SNX31: variants seen among roughly 807,000 people sequenced by gnomAD.
SNX31 encodes sorting nexin-31.
A neutral mutation model predicts 65.4 loss-of-function variants in SNX31; 58 were observed. The observed-to-expected ratio is 0.89, with a 90% confidence interval of 0.72 to 1.10. The LOEUF is 1.10. SNX31 is among the 50% of genes least tolerant of loss of function. SNX31 has a pLI of 0.00. For missense variants in SNX31, 523 were observed against 529.7 expected, an observed-to-expected ratio of 0.99 and a Z score of 0.12; for synonymous variants, 181 against 190.1, an observed-to-expected ratio of 0.95 and a Z score of 0.39.
Position 100,617,735 on chromosome 8 carries a change from A to G in SNX31, c.322-5T>C. On this transcript the variant is annotated splice_region_variant and splice_polypyrimidine_tract_variant and intron_variant, in intron 4 of 13. Transcript: ENST00000311812. ...GGTGGCGATGTCAAATGTATTCTAT[A>G]AGCAAAAGAAAAGCAAAATAAATTT... 6.3e-7 allele frequency: 1 copy of G among 1,590,172 alleles called. No individual in the cohort carries two copies. Among genetic ancestry groups the G allele is most frequent in the Non-Finnish European group, 8.5e-7 (1 of 1,171,244 alleles).
Position 100,648,644 on chromosome 8 carries a change from C to T in SNX31, c.141+630G>A, listed in dbSNP as rs1819812207. The stretch of plus-strand genomic sequence containing the variant: ...ACCTCCTTATAAGAACAATGAAACC[C>T]ATTAGAGCAGACTAATAAATCAGTC... On this transcript the variant is annotated intron_variant, in intron 2 of 13. Coordinates refer to ENST00000311812, the MANE Select transcript of SNX31 (RefSeq NM_152628.4). The surrounding 1 kb of genome is among the most constrained non-coding windows in gnomAD (Gnocchi z 4.3). Among the ~76,000 whole-genome samples, 1 of 152,078 alleles carries T rather than the reference C, an allele frequency of 6.6e-6. No homozygotes were observed. Among genetic ancestry groups the T allele is most frequent in the Non-Finnish European group, 1.5e-5 (1 of 68,014 alleles).
chr8:100,649,974 T>C (rs760587115), upstream of SNX31, among the ~76,000 whole-genome samples: 10 of 152,266 alleles, frequency 6.6e-5, no homozygotes, highest in Non-Finnish European at 1.2e-4. Flanking sequence ...TGACATTTGT[T>C]AAATGTAACA....
In SNX31 at chr8:100,610,328, C is replaced by T. The variant is rs370059706; in HGVS notation, c.611+1672G>A. Among the ~76,000 whole-genome samples, 7 of 150,582 alleles carry T rather than the reference C, an allele frequency of 4.6e-5. No individual in the cohort carries two copies. In the East Asian group the frequency reaches 7.8e-4, roughly 17 times the overall value. ...TCCTTTGATCTCAGGTTTTATGAAG[C>T]GCACATGAGTGAAAATCTAAGCCCC... On this transcript the variant is annotated intron_variant, in intron 7 of 13. Transcript: ENST00000311812. The surrounding 1 kb of genome is among the most constrained non-coding windows in gnomAD (Gnocchi z 4.0).
chr8:100,657,219 G>T (rs533538956), intron 1 of SNX31, among the ~76,000 whole-genome samples: 1 of 152,122 alleles, frequency 6.6e-6, no homozygotes, highest in Non-Finnish European at 1.5e-5. Context: ...TTGGGAGGCC[G>T]AGGCAGGCGG....
chr8:100,649,555 T>A lies in SNX31; in HGVS notation c.-41A>T. 1 of 1,539,262 alleles carries A rather than the reference T, an allele frequency of 6.5e-7. No homozygotes were observed. On this transcript the variant is annotated 5_prime_UTR_variant, in exon 1 of 14. Transcript: ENST00000311812. The stretch of plus-strand genomic sequence containing the variant: ...TGGGAGTAGCGCTGGGAACCCGACC[T>A]GCGGCGGCGGGCGGTGCGCGGCTCT...
Position 100,612,415 on chromosome 8 carries a change from C to T in SNX31, c.524-328G>A, listed in dbSNP as rs1435416325. Reference sequence around the variant, plus strand: ...TCTACACAAGCCCCTTAACTTCCAACTCAAAACCACCTCCCCTGGCTTCTT... The same window carrying T: ...TCTACACAAGCCCCTTAACTTCCAATTCAAAACCACCTCCCCTGGCTTCTT... On this transcript the variant is annotated intron_variant, in intron 6 of 13. Transcript: ENST00000311812. This position sits in a 1 kb window ranked among gnomAD's most constrained non-coding sequence, Gnocchi z 4.3. 2.0e-5 allele frequency among the ~76,000 whole-genome samples: 3 copies of T among 152,044 alleles called. No individual in the cohort carries two copies. Among genetic ancestry groups the T allele is most frequent in the Non-Finnish European group, 2.9e-5 (2 of 68,024 alleles).
chr8:100,659,219 A>ATG (rs1563595334), intron 1 of SNX31, among the ~76,000 whole-genome samples: 4 of 151,860 alleles, frequency 2.6e-5, no homozygotes, highest in Non-Finnish European at 4.4e-5. Flanking sequence ...GGTGGTGGGC[A>ATG]CCTGTAATCC....
chr8:100,607,504 A>T (rs768086649), intron 8 of SNX31, among the ~76,000 whole-genome samples: 63 of 152,228 alleles, frequency 4.1e-4, no homozygotes, highest in Non-Finnish European at 2.9e-4. Flanking sequence ...TTCAGGGTCT[A>T]CCTAGTGCAA....
chr8:100,657,764 G>T (rs1215068656), intron 1 of SNX31: 2 of 452,102 alleles, frequency 4.4e-6, no homozygotes, highest in Non-Finnish European at 8.9e-6. Flanking sequence ...TGGACTACTT[G>T]GGAGGCTGAG....
chr8:100,636,308 C>T lies in SNX31; in HGVS notation c.142-297G>A, dbSNP rs577417199. ...GTTTTACAAGACTAGCCACTGCTCA[C>T]ATCATACAATATTATCTTGATTCAT... On this transcript the variant is annotated intron_variant, in intron 2 of 13. Transcript: ENST00000311812. 3.2e-4 allele frequency among the ~76,000 whole-genome samples: 48 copies of T among 152,344 alleles called. 1 individual carries two copies. The South Asian group carries it at 9.3e-3, about 30-fold the overall frequency.
At chr8:100,633,700 G>A (rs1382272938) in intron 3 of SNX31, among the ~76,000 whole-genome samples, 1 of 152,054 alleles carries the variant, frequency 6.6e-6, no homozygotes, top group Non-Finnish European at 1.5e-5. Context: ...GATGGCTGAG[G>A]TGTGTAAGAT....
At chr8:100,616,878 G>A (rs996941797) in intron 5 of SNX31, among the ~76,000 whole-genome samples, 2 of 152,154 alleles carry the variant, frequency 1.3e-5, no homozygotes, top group African/African-American at 4.8e-5. Flanking sequence ...GAAACTTTCT[G>A]ACTCTTCTTC....
At chr8:100,618,388 C>T (rs774611808) in intron 4 of SNX31, 101 of 1,507,106 alleles carry the variant, frequency 6.7e-5, no homozygotes, top group Non-Finnish European at 8.7e-5. Context: ...TTTTCTGACA[C>T]TAATTGTGGG....
At chr8:100,595,687 CACAG>C (rs998135707) in intron 10 of SNX31, among the ~76,000 whole-genome samples, 4 of 152,098 alleles carry the variant, frequency 2.6e-5, no homozygotes, top group Non-Finnish European at 5.9e-5. Flanking sequence ...AAGTAGGGAA[CACAG>C]ACAGAAGAAC....
chr8:100,606,657 C>T (rs1368021734), intron 8 of SNX31, among the ~76,000 whole-genome samples: 1 of 152,158 alleles, frequency 6.6e-6, no homozygotes, highest in African/African-American at 2.4e-5. Flanking sequence ...ACTTATCCAC[C>T]ATCTCTCTCT....
upstream of SNX31, among the ~76,000 whole-genome samples, chr8:100,652,782 G>A (rs991486620): frequency 6.6e-6 from 1 of 152,096 alleles, no homozygotes; most frequent in Non-Finnish European, 1.5e-5. Context: ...CTCTGGGATG[G>A]GGAGGGCAGT....
At chr8:100,611,813 C>T (rs546310707) in intron 7 of SNX31, among the ~76,000 whole-genome samples, 187 bp downstream of exon 7, 2 of 152,272 alleles carry the variant, frequency 1.3e-5, no homozygotes, top group Admixed American at 1.3e-4. Context: ...GCCTTGGTCT[C>T]CCAAGGTACT....
At chr8:100,649,714 T>C, upstream of SNX31, 2 of 473,440 alleles carry the variant, frequency 4.2e-6, no homozygotes. Flanking sequence ...CCCCGCCCCA[T>C]CCAGCCCCGC....
chr8:100,643,361 G>T (rs1819403493), intron 2 of SNX31, among the ~76,000 whole-genome samples: 1 of 151,876 alleles, frequency 6.6e-6, no homozygotes, highest in South Asian at 2.1e-4. Context: ...CTATACCTAT[G>T]CCAAAATGGT....
Sources: allele counts gnomAD v4.1 joint callset (sites outside exome capture counted in the v4.1 genomes callset), GRCh38; gene constraint gnomAD v4.1.1; non-coding constraint Gnocchi (gnomAD v3.1); transcripts MANE v1.5; gene names NCBI Gene and HGNC (gene_info 2026-07-23, HGNC 2026-07-21).